Variants in CCDC102B observed in about 807,000 individuals in gnomAD.
CCDC102B encodes the protein coiled-coil domain-containing protein 102B.
In CCDC102B, 75 loss-of-function variants were observed where a neutral mutation model predicts 57.4. The ratio of observed to expected loss-of-function variants is 1.31; its 90% CI spans 1.08 to 1.58. CCDC102B has a LOEUF of 1.58. Ranked by LOEUF, CCDC102B falls within the 40% of genes most tolerant of loss-of-function variation. The pLI, the probability that CCDC102B is intolerant of heterozygous loss-of-function variation, is 0.00. For synonymous variants in CCDC102B, 206 were observed against 201.9 expected (o/e 1.02, Z -0.17); for missense variants, 636 against 582.6 (o/e 1.09, Z -0.94).
intron 4 of CCDC102B, among the ~76,000 whole-genome samples, chr18:68,864,702 A>G (rs968699151): frequency 5.3e-5 from 8 of 152,036 alleles, no homozygotes; most frequent in Admixed American, 3.3e-4. Context: ...AAAAGATCAT[A>G]TATGATTCAA....
chr18:68,831,237 A>C (rs1599531365), intron 1 of CCDC102B, among the ~76,000 whole-genome samples: 1 of 152,074 alleles, frequency 6.6e-6, no homozygotes, highest in East Asian at 1.9e-4. Flanking sequence ...AAATAATTTT[A>C]CTGAAAACCT....
intron 1 of CCDC102B, among the ~76,000 whole-genome samples, chr18:68,808,198 G>A (rs986373170): frequency 2.0e-5 from 3 of 151,968 alleles, no homozygotes; most frequent in African/African-American, 7.3e-5. Flanking sequence ...TGGATTACTT[G>A]TTTTATATTA....
intron 1 of CCDC102B, among the ~76,000 whole-genome samples, chr18:68,802,226 T>C (rs1355177416): frequency 6.6e-6 from 1 of 152,142 alleles, no homozygotes; most frequent in Non-Finnish European, 1.5e-5. Context: ...GAAATCACTT[T>C]ACAGGTATTG....
chr18:68,768,987 T>C (rs889640481), intron 2 of CCDC102B, among the ~76,000 whole-genome samples: 22 of 151,912 alleles, frequency 1.4e-4, no homozygotes, highest in African/African-American at 5.3e-4. Context: ...AATTCGGTGG[T>C]TCACGCCTGT....
At chr18:68,860,963 A>G (rs2038724985) in intron 4 of CCDC102B, among the ~76,000 whole-genome samples, 1 of 140,946 alleles carries the variant, frequency 7.1e-6, no homozygotes, top group Admixed American at 7.4e-5. Context: ...ATGAATGTAC[A>G]GGAGAATGGC....
intron 6 of CCDC102B, among the ~76,000 whole-genome samples, chr18:68,984,184 A>G (rs2050665004): frequency 6.6e-6 from 1 of 152,036 alleles, no homozygotes; most frequent in Non-Finnish European, 1.5e-5. Flanking sequence ...AGAAAAAAAA[A>G]AAAAGTTTAA....
At chr18:68,945,106 C>CTT (rs1283607111) in intron 6 of CCDC102B, among the ~76,000 whole-genome samples, 4 of 132,146 alleles carry the variant, frequency 3.0e-5, no homozygotes, top group African/African-American at 1.2e-4. Context: ...CTCTCTCTCT[C>CTT]TCTGTCTCTC....
intron 6 of CCDC102B, among the ~76,000 whole-genome samples, chr18:68,976,190 A>T (rs1265958852): frequency 6.6e-6 from 1 of 152,026 alleles, no homozygotes; most frequent in African/African-American, 2.4e-5. Context: ...AAACTGCTGG[A>T]CTAATGTAGC....
At chr18:68,953,355 CTTTT>C (rs5825890) in intron 6 of CCDC102B, among the ~76,000 whole-genome samples, 8 of 125,526 alleles carry the variant, frequency 6.4e-5, no homozygotes, top group African/African-American at 1.2e-4. Flanking sequence ...CAATACTTGT[CTTTT>C]TTTTTTTTTT....
intron 7 of CCDC102B, among the ~76,000 whole-genome samples, chr18:69,049,202 C>A (rs1034896443): frequency 6.6e-6 from 1 of 151,876 alleles, no homozygotes; most frequent in South Asian, 2.1e-4. Flanking sequence ...TCCCCTACCC[C>A]CTGACAGGCC....
chr18:68,938,878 G>A (rs1435502331), intron 6 of CCDC102B, among the ~76,000 whole-genome samples: 1 of 151,360 alleles, frequency 6.6e-6, no homozygotes, highest in Non-Finnish European at 1.5e-5. Context: ...GGTTTATTTA[G>A]TAAAAGGTTA....
At chr18:68,787,582 T>A (rs1425638148) in intron 2 of CCDC102B, among the ~76,000 whole-genome samples, 1 of 151,776 alleles carries the variant, frequency 6.6e-6, no homozygotes, top group Non-Finnish European at 1.5e-5. Context: ...GAGGAATTTA[T>A]CCATTTCTTC....
intron 1 of CCDC102B, among the ~76,000 whole-genome samples, chr18:68,810,074 A>G (rs148204438): frequency 2.0e-5 from 3 of 152,312 alleles, no homozygotes; most frequent in African/African-American, 4.8e-5. Context: ...TTTAATTTGT[A>G]TAAAGATTTT....
At chr18:68,873,840 A>G (rs1229342717) in intron 4 of CCDC102B, among the ~76,000 whole-genome samples, 1 of 109,916 alleles carries the variant, frequency 9.1e-6, no homozygotes, top group East Asian at 4.3e-4. Context: ...ATATGTCAAT[A>G]CAACAAAACA....
At chr18:69,037,573 C>T (rs74899977) in intron 7 of CCDC102B, among the ~76,000 whole-genome samples, 2,907 of 151,982 alleles carry the variant, frequency 0.019, 44 homozygotes, top group Non-Finnish European at 0.027. Context: ...CTCACTGAGT[C>T]ATTATTTTCA....
chr18:68,796,609 A>G (rs2035637126), upstream of CCDC102B, among the ~76,000 whole-genome samples: 2 of 152,228 alleles, frequency 1.3e-5, no homozygotes, highest in South Asian at 2.1e-4. Context: ...AGATTTATCT[A>G]AGAACATATG....
chr18:68,967,637 GCATAT>G (rs1483371108), intron 6 of CCDC102B, among the ~76,000 whole-genome samples: 1 of 152,032 alleles, frequency 6.6e-6, no homozygotes, highest in Non-Finnish European at 1.5e-5. Context: ...ACCTCAAGAA[GCATAT>G]CATATGTTGA....
intron 6 of CCDC102B, among the ~76,000 whole-genome samples, chr18:68,974,305 T>C (rs1344795804): frequency 6.6e-6 from 1 of 152,024 alleles, no homozygotes; most frequent in Non-Finnish European, 1.5e-5. Flanking sequence ...TGCTCAGTGT[T>C]CAAGGGACCA....
chr18:68,715,312 G>A, exon 1 of CCDC102B: 1 of 1,162,532 alleles, frequency 8.6e-7, no homozygotes, highest in Middle Eastern at 3.5e-4. Flanking sequence ...GGTTCACTGG[G>A]GCGCGTTTCC....
Sources: allele counts gnomAD v4.1 joint callset (sites outside exome capture counted in the v4.1 genomes callset), GRCh38; gene constraint gnomAD v4.1.1; transcripts MANE v1.5; gene names NCBI Gene and HGNC (gene_info 2026-07-23, HGNC 2026-07-21).